The following LATS2 variants were observed in gnomAD, a reference collection of about 807,000 sequenced individuals.
LATS2 encodes the protein large tumor suppressor kinase 2, also known as serine/threonine-protein kinase LATS2.
LATS2 carries 24 observed loss-of-function variants against 76.0 expected under a neutral mutation model. The observed-to-expected ratio is 0.32, with a 90% confidence interval of 0.23 to 0.44. LATS2 has a LOEUF of 0.44. LATS2 is among the 20% of genes least tolerant of loss of function. The pLI is 1.00. For synonymous variants in LATS2, 692 were observed against 635.4 expected (o/e 1.09, Z -1.34); for missense variants, 1,286 against 1,481.2 (o/e 0.87, Z 2.16).
intron 2 of LATS2, among the ~76,000 whole-genome samples, chr13:21,023,908 G>C (rs1290794825): frequency 1.3e-5 from 2 of 151,670 alleles, no homozygotes; most frequent in African/African-American, 2.4e-5. Flanking sequence ...AGGAGGCAGA[G>C]GTAGCAGGGA....
chr13:21,027,810 T>A (rs1358673654), intron 2 of LATS2, among the ~76,000 whole-genome samples: 1 of 152,222 alleles, frequency 6.6e-6, no homozygotes, highest in Non-Finnish European at 1.5e-5. Context: ...ATAAACCTGC[T>A]GAGATTGTAT....
chr13:21,059,942 G>C (rs895681987), intron 1 of LATS2, among the ~76,000 whole-genome samples: 1 of 152,256 alleles, frequency 6.6e-6, no homozygotes, highest in Non-Finnish European at 1.5e-5. Context: ...TCCAGCCTGG[G>C]AGACAGAGCG....
At chr13:21,051,318 G>C (rs1441387859) in intron 1 of LATS2, among the ~76,000 whole-genome samples, 3 of 152,220 alleles carry the variant, frequency 2.0e-5, no homozygotes, top group African/African-American at 7.2e-5. Flanking sequence ...GGAGCTCATA[G>C]CTCAAGATGG....
chr13:21,006,786 G>A (rs779112301), intron 2 of LATS2, among the ~76,000 whole-genome samples: 15 of 152,240 alleles, frequency 9.9e-5, no homozygotes, highest in Non-Finnish European at 1.5e-4. Context: ...GTGTGTGTTT[G>A]GGACTTTTTA....
chr13:20,998,111 C>T (rs778269734), intron 2 of LATS2, among the ~76,000 whole-genome samples: 1 of 152,168 alleles, frequency 6.6e-6, no homozygotes, highest in African/African-American at 2.4e-5. Context: ...CGCCTGTAAT[C>T]CCAGGGCTTT....
intron 1 of LATS2, among the ~76,000 whole-genome samples, chr13:21,061,013 CCGCCCCGGT>C (rs1276664320): frequency 3.4e-5 from 5 of 148,140 alleles, no homozygotes; most frequent in Admixed American, 1.3e-4. Flanking sequence ...GGGATCCCGG[CCGCCCCGGT>C]CGCCGCACAA....
chr13:21,030,859 C>T (rs941614642), intron 2 of LATS2, among the ~76,000 whole-genome samples: 2 of 151,770 alleles, frequency 1.3e-5, no homozygotes, highest in South Asian at 2.1e-4. Flanking sequence ...TAGCATTTTT[C>T]CCCCCATACA....
intron 6 of LATS2, 66 bp downstream of exon 6, chr13:20,981,400 C>CAA (rs1369578675): frequency 1.1e-5 from 16 of 1,439,524 alleles, no homozygotes; most frequent in African/African-American, 8.5e-5. Context: ...CTAGAGCCAG[C>CAA]GAGACTCAGC....
chr13:20,988,343 C>CGGGGGG lies in LATS2; in HGVS notation c.1436_1437insCCCCCC (p.Pro479_Ala480insProPro). The CGGGGGG allele has an allele frequency of 2.3e-6, 3 of 1,298,768 alleles. No individual in the cohort carries two copies. Among genetic ancestry groups the CGGGGGG allele is most frequent in the South Asian group, 1.7e-5 (1 of 57,200 alleles). 80.5% of individuals were successfully genotyped at this position (1,298,768 alleles called of 1,614,324 possible). On this transcript the variant is annotated inframe_insertion, in exon 4 of 8. Coordinates refer to ENST00000382592, the MANE Select transcript of LATS2 (RefSeq NM_014572.3). Reference sequence around the variant, plus strand: ...CCTTGGCGTCCAAGCCCTCCGCAGCCGGGGCGGGGGCGGGGGCGGGGGCCG... The same window carrying CGGGGGG: ...CCTTGGCGTCCAAGCCCTCCGCAGCCGGGGGGGGGGCGGGGGCGGGGGCGGGGGCCG...
intron 1 of LATS2, among the ~76,000 whole-genome samples, chr13:21,061,040 G>GCGCAGCCC (rs1409250292): frequency 6.6e-6 from 1 of 151,364 alleles, no homozygotes; most frequent in East Asian, 2.0e-4. Context: ...CAACAAAGCG[G>GCGCAGCCC]CGCAGCCCCG....
At position 20,978,023 on chromosome 13, in the gene LATS2, C is replaced by T. The variant is rs1869704483; in HGVS notation, c.2772+1668G>A. ...CTCTGCCTCCTGGGTTCAAGCGATT[C>T]TCCTGCCTCAGCCTCCCAAGTAGCT... On this transcript the variant is annotated intron_variant, in intron 7 of 7. Coordinates refer to ENST00000382592, the MANE Select transcript of LATS2 (RefSeq NM_014572.3). Among the ~76,000 whole-genome samples, 3 of 152,120 alleles carry T rather than the reference C, an allele frequency of 2.0e-5. 1 individual carries two copies. Among genetic ancestry groups the T allele is most frequent in the Non-Finnish European group, 4.4e-5 (3 of 68,026 alleles).
intron 5 of LATS2, among the ~76,000 whole-genome samples, 193 bp from the exon 6 acceptor site, chr13:20,981,841 G>A (rs959364929): frequency 1.3e-5 from 2 of 152,170 alleles, no homozygotes; most frequent in South Asian, 2.1e-4. Context: ...GGAGACACAC[G>A]TGGTGAGGTT....
intron 7 of LATS2, among the ~76,000 whole-genome samples, chr13:20,978,457 A>G (rs190295434): frequency 6.6e-6 from 1 of 151,886 alleles, no homozygotes; most frequent in Admixed American, 6.5e-5. Flanking sequence ...AATGACTGAC[A>G]ATTATTTAAC....
At position 20,988,142 on chromosome 13, in the gene LATS2, C is replaced by T. The variant is rs761866363; in HGVS notation, c.1638G>A (p.Ala546=). The T allele has an allele frequency of 2.5e-6, 4 of 1,614,090 alleles. No individual in the cohort carries two copies. Among genetic ancestry groups the T allele is most frequent in the South Asian group, 1.1e-5 (1 of 91,090 alleles). The change falls in exon 4 of 8, where the codon GCG becomes GCA. Residue 546 remains alanine, a synonymous_variant. Transcript: ENST00000382592. Reference sequence around the variant, plus strand: ...CGCCGCCCTCGGGCTCGTTGGGGCCCGCACGGAGGCTCTGCTCCATGCCTG... The same window carrying T: ...CGCCGCCCTCGGGCTCGTTGGGGCCTGCACGGAGGCTCTGCTCCATGCCTG... ...LCAGMEQSLR[A]GPNEPEGGDK...
At chr13:21,035,213 G>A (rs73443379) in intron 2 of LATS2, among the ~76,000 whole-genome samples, 2,555 of 151,938 alleles carry the variant, frequency 0.017, 65 homozygotes, top group African/African-American at 0.058. Flanking sequence ...TAAATTTTAA[G>A]GCCAAAATAA....
At chr13:21,038,927 C>T (rs2138392940) in intron 2 of LATS2, among the ~76,000 whole-genome samples, 1 of 152,320 alleles carries the variant, frequency 6.6e-6, no homozygotes, top group South Asian at 2.1e-4. Context: ...TTGTAATGAG[C>T]TGAGATCACC....
At chr13:21,040,392 GAAAGAA>G (rs1237937060) in intron 2 of LATS2, among the ~76,000 whole-genome samples, 2 of 145,828 alleles carry the variant, frequency 1.4e-5, no homozygotes, top group East Asian at 2.0e-4. Flanking sequence ...AAAAAAAAAA[GAAAGAA>G]AAAGAAAAAG....
At chr13:21,060,069 C>T (rs1873577968) in intron 1 of LATS2, among the ~76,000 whole-genome samples, 2 of 152,332 alleles carry the variant, frequency 1.3e-5, no homozygotes, top group East Asian at 1.9e-4. Flanking sequence ...AGCCGCCAGC[C>T]GCCGAGCTAA....
intron 2 of LATS2, among the ~76,000 whole-genome samples, chr13:21,040,061 G>A (rs1242639470): frequency 9.5e-5 from 14 of 147,766 alleles, no homozygotes; most frequent in East Asian, 5.9e-4. Context: ...CAATAAGAGC[G>A]AAACTCCATC....
Sources: allele counts gnomAD v4.1 joint callset (sites outside exome capture counted in the v4.1 genomes callset), GRCh38; gene constraint gnomAD v4.1.1; transcripts MANE v1.5; gene names NCBI Gene and HGNC (gene_info 2026-07-23, HGNC 2026-07-21).